Variants in CPM observed in about 807,000 individuals in gnomAD.
CPM encodes the protein renal carboxypeptidase.
Under a neutral mutation model 46.4 loss-of-function variants are expected in CPM, and 35 were observed. The observed-to-expected ratio is 0.75, with a 90% CI of 0.58 to 1.00. CPM has a LOEUF of 1.00. Ranked by LOEUF, CPM falls within the 50% of genes least tolerant of loss-of-function variation. CPM has a pLI of 0.00. For missense variants in CPM, 422 were observed against 530.4 expected, an observed-to-expected ratio of 0.80 and a Z score of 2.01; for synonymous variants, 195 against 195.3, an observed-to-expected ratio of 1.00 and a Z score of 0.01.
chr12:68,895,667 G>T (rs752600006), intron 2 of CPM, among the ~76,000 whole-genome samples: 4 of 152,132 alleles, frequency 2.6e-5, no homozygotes, highest in Non-Finnish European at 4.4e-5. Context: ...AGGTGGCCCA[G>T]AAGTAAAGAA....
At chr12:68,918,673 A>G (rs1887913098) in intron 2 of CPM, among the ~76,000 whole-genome samples, 1 of 151,916 alleles carries the variant, frequency 6.6e-6, no homozygotes, top group African/African-American at 2.4e-5. Context: ...ATTAGCAAGT[A>G]CTCTTGGTTT....
chr12:68,954,672 C>T (rs953758485), intron 1 of CPM, among the ~76,000 whole-genome samples: 2 of 152,158 alleles, frequency 1.3e-5, no homozygotes, highest in African/African-American at 4.8e-5. Context: ...ATTGACATAT[C>T]TCAATGCTCA....
chr12:68,842,247 G>T, exon 6 of CPM: 1 of 497,728 alleles, frequency 2.0e-6, no homozygotes, highest in Non-Finnish European at 4.0e-6. Context: ...ACAAATTCAA[G>T]AAAAAGGACT....
intron 2 of CPM, among the ~76,000 whole-genome samples, chr12:68,912,230 C>A (rs1301481297): frequency 6.6e-6 from 1 of 152,158 alleles, no homozygotes; most frequent in African/African-American, 2.4e-5. Context: ...TGGTCGAACT[C>A]CTGACCTCAG....
At chr12:68,939,859 T>C (rs1152939) in intron 1 of CPM, among the ~76,000 whole-genome samples, 50,628 of 151,950 alleles carry the variant, frequency 0.33, 8,509 homozygotes, top group South Asian at 0.47. Flanking sequence ...TAGATAAAAA[T>C]GAAATCTCAT....
At chr12:68,912,422 CAA>C (rs959950463) in intron 2 of CPM, among the ~76,000 whole-genome samples, 1 of 152,170 alleles carries the variant, frequency 6.6e-6, no homozygotes, top group Non-Finnish European at 1.5e-5. Flanking sequence ...TTTTTCATAT[CAA>C]GTTTTAAAAA....
intron 2 of CPM, among the ~76,000 whole-genome samples, chr12:68,913,129 T>C (rs1887666248): frequency 6.6e-6 from 1 of 152,194 alleles, no homozygotes; most frequent in Non-Finnish European, 1.5e-5. Flanking sequence ...TGTTGTCTAG[T>C]GTACAGTCTT....
At chr12:68,939,587 A>G (rs975380319) in intron 1 of CPM, among the ~76,000 whole-genome samples, 4 of 152,032 alleles carry the variant, frequency 2.6e-5, no homozygotes, top group African/African-American at 7.2e-5. Flanking sequence ...CCAATTTTCT[A>G]CAAACTAACA....
At chr12:68,961,437 T>A (rs964185396) in intron 1 of CPM, among the ~76,000 whole-genome samples, 15 of 151,996 alleles carry the variant, frequency 9.9e-5, no homozygotes, top group African/African-American at 1.2e-4. Flanking sequence ...CAAGACACAG[T>A]GCCCAGCCTA....
At chr12:68,962,171 G>GTCCGA (rs1450210139) in intron 1 of CPM, among the ~76,000 whole-genome samples, 42 of 147,566 alleles carry the variant, frequency 2.8e-4, no homozygotes, top group African/African-American at 1.0e-3. Context: ...CTGCACTCCA[G>GTCCGA]CCTGGGCGAC....
chr12:68,869,590 C>T, intron 5 of CPM, 95 bp from the exon 6 acceptor site: 1 of 1,095,576 alleles, frequency 9.1e-7, no homozygotes, highest in Non-Finnish European at 1.3e-6. Flanking sequence ...GCATCACACA[C>T]ACATGCTCTA....
intron 3 of CPM, among the ~76,000 whole-genome samples, chr12:68,875,237 G>A (rs183851253): frequency 1.3e-5 from 2 of 152,076 alleles, no homozygotes; most frequent in African/African-American, 4.8e-5. Context: ...TGTAGTCCCA[G>A]CTACTCGGGA....
intron 2 of CPM, among the ~76,000 whole-genome samples, chr12:68,896,984 A>G (rs1478170361): frequency 6.6e-6 from 1 of 152,058 alleles, no homozygotes; most frequent in Non-Finnish European, 1.5e-5. Flanking sequence ...TCTTCAAGAC[A>G]GTCAAGACTC....
At chr12:68,896,121 G>T (rs1047023479) in intron 2 of CPM, among the ~76,000 whole-genome samples, 1 of 152,150 alleles carries the variant, frequency 6.6e-6, no homozygotes, top group Admixed American at 6.5e-5. Flanking sequence ...CCCAAAGGAG[G>T]TAACTCCCTG....
chr12:68,940,272 T>C (rs1315827667), intron 1 of CPM, among the ~76,000 whole-genome samples: 2 of 152,054 alleles, frequency 1.3e-5, no homozygotes, highest in Non-Finnish European at 2.9e-5. Context: ...GCGTGTCACA[T>C]CTGTTAAAAT....
At chr12:68,907,416 G>A (rs192784233) in intron 2 of CPM, among the ~76,000 whole-genome samples, 104 of 152,300 alleles carry the variant, frequency 6.8e-4, no homozygotes, top group African/African-American at 2.4e-3. Flanking sequence ...TTCCTCATGT[G>A]TAAAAGGAGG....
intron 4 of CPM, among the ~76,000 whole-genome samples, chr12:68,871,010 A>C (rs887807466): frequency 2.6e-5 from 4 of 152,388 alleles, no homozygotes; most frequent in African/African-American, 9.6e-5. Context: ...GGAGGGAATC[A>C]AGTGGTGAGA....
At chr12:68,911,285 G>A (rs1296032426) in intron 2 of CPM, among the ~76,000 whole-genome samples, 1 of 152,090 alleles carries the variant, frequency 6.6e-6, no homozygotes, top group African/African-American at 2.4e-5. Flanking sequence ...TAAAATAGAG[G>A]GTCTGTCCAG....
In CPM at chr12:68,860,542, GC is replaced by G. The variant is rs77322334; in HGVS notation, c.941-1472del. On this transcript the variant is annotated intron_variant, in intron 7 of 8. Transcript: ENST00000551568. ...ACTCCTGGGCTCAAGCAATCCACCT[GC>G]CTAAGCTTCCCAAAGTGCTGGGATT... Among the ~76,000 whole-genome samples, 746 of 152,082 alleles carry G rather than the reference GC, an allele frequency of 4.9e-3. 24 individuals carry two copies. Among genetic ancestry groups the G allele is most frequent in the Admixed American group, 0.038 (587 of 15,264 alleles).
Sources: allele counts gnomAD v4.1 joint callset (sites outside exome capture counted in the v4.1 genomes callset), GRCh38; gene constraint gnomAD v4.1.1; transcripts MANE v1.5; gene names NCBI Gene and HGNC (gene_info 2026-07-23, HGNC 2026-07-21).